Variants in MAGI2 observed in about 807,000 individuals in gnomAD.
MAGI2 encodes membrane associated guanylate kinase, WW and PDZ domain containing 2.
A neutral mutation model predicts 133.3 loss-of-function variants in MAGI2; 35 were observed. The observed-to-expected ratio is 0.26, with a 90% CI of 0.20 to 0.35. The LOEUF (loss-of-function observed/expected upper bound fraction) is 0.35. Ranked by LOEUF, MAGI2 falls within the 10% of genes least tolerant of loss-of-function variation. The pLI, the probability that MAGI2 is intolerant of heterozygous loss-of-function variation, is 1.00. For missense variants in MAGI2, 1,636 were observed against 1,863.4 expected (o/e 0.88, Z 2.25); for synonymous variants, 729 against 710.6 (o/e 1.03, Z -0.41).
chr7:79,096,252 T>C (rs1311912413), intron 1 of MAGI2, among the ~76,000 whole-genome samples: 1 of 152,150 alleles, frequency 6.6e-6, no homozygotes, highest in Non-Finnish European at 1.5e-5. Context: ...GTCAGGGTAG[T>C]TATTCCCCAG....
chr7:79,047,406 T>C (rs992096757), intron 1 of MAGI2, among the ~76,000 whole-genome samples: 7 of 152,114 alleles, frequency 4.6e-5, no homozygotes, highest in African/African-American at 1.7e-4. Flanking sequence ...TTTGTAACAG[T>C]ATGGACAAGT....
At chr7:78,608,412 G>C (rs1272921074) in intron 3 of MAGI2, among the ~76,000 whole-genome samples, 1 of 151,220 alleles carries the variant, frequency 6.6e-6, no homozygotes, top group African/African-American at 2.4e-5. Context: ...ACTTTGCAAG[G>C]TTTTTGTGGC....
intron 21 of MAGI2, among the ~76,000 whole-genome samples, chr7:78,063,311 C>T (rs573282534): frequency 5.9e-5 from 9 of 152,234 alleles, no homozygotes; most frequent in East Asian, 3.9e-4. Context: ...GTGCAATCAT[C>T]GCTCGTTGCA....
At chr7:78,954,570 G>A (rs72612606) in intron 2 of MAGI2, among the ~76,000 whole-genome samples, 4,186 of 149,032 alleles carry the variant, frequency 0.028, 262 homozygotes, top group East Asian at 0.17. Context: ...AGTGTGGATC[G>A]ACAATATGCC....
intron 12 of MAGI2, among the ~76,000 whole-genome samples, chr7:78,188,045 T>C (rs1437946056): frequency 6.6e-6 from 1 of 152,192 alleles, no homozygotes; most frequent in African/African-American, 2.4e-5. Flanking sequence ...AATTACTAAA[T>C]GAAATAAATT....
intron 16 of MAGI2, among the ~76,000 whole-genome samples, chr7:78,143,924 GTTT>G (rs374859888): frequency 7.3e-6 from 1 of 137,746 alleles, no homozygotes. Flanking sequence ...AGTCCTATAA[GTTT>G]TTTTTTTTTT....
chr7:78,591,880 CA>C (rs1804039444), intron 3 of MAGI2, among the ~76,000 whole-genome samples: 1 of 152,048 alleles, frequency 6.6e-6, no homozygotes, highest in Admixed American at 6.5e-5. Flanking sequence ...ATAAGAAGAG[CA>C]AGATGTTACA....
rs1403472323 is a variant in MAGI2, at chr7:78,160,034, A to G, written c.2836T>C (p.Ser946Pro). ...ISSLNRPESG[S>P]TITVPHKIGR... ...AAATTTCAGCACTTACTTATAGTGG[A>G]TCCAGACTCAGGCCTGTTCAGGGAG... Residue 946 changes from serine (S) to proline (P), a missense_variant, in exon 16 of 22, where the codon TCC becomes CCC. Physicochemically the swap from Ser to Pro is moderately conservative, Grantham distance 74. This residue lies in a region of MAGI2 where 920 missense variants were observed against 1,093.5 expected (regional missense o/e 0.84). Transcript: ENST00000354212. The G allele has an allele frequency of 1.3e-6, 2 of 1,570,150 alleles. No individual in the cohort carries two copies. Among genetic ancestry groups the G allele is most frequent in the Non-Finnish European group, 1.7e-6 (2 of 1,155,298 alleles).
chr7:78,719,397 C>T (rs1032601937), intron 2 of MAGI2, among the ~76,000 whole-genome samples: 20 of 152,234 alleles, frequency 1.3e-4, no homozygotes, highest in African/African-American at 4.3e-4. Flanking sequence ...CTGTAAGTGA[C>T]CTTCAAATAA....
At chr7:78,884,291 G>A (rs1194000619) in intron 2 of MAGI2, among the ~76,000 whole-genome samples, 2 of 152,050 alleles carry the variant, frequency 1.3e-5, no homozygotes, top group Non-Finnish European at 2.9e-5. Context: ...CAGCTTGAGT[G>A]ACTTAAGCAG....
intron 1 of MAGI2, among the ~76,000 whole-genome samples, chr7:79,425,822 C>A (rs1348791290): frequency 6.6e-6 from 1 of 151,706 alleles, no homozygotes; most frequent in Non-Finnish European, 1.5e-5. Context: ...GACAAAGAAG[C>A]CCTTGGATAA....
Position 78,929,940 on chromosome 7 carries a change from T to C in MAGI2, c.418+77150A>G, listed in dbSNP as rs556154365. Among the ~76,000 whole-genome samples the C allele has an allele frequency of 5.3e-5, 8 of 152,224 alleles. No homozygotes were observed. The East Asian group carries it at 1.5e-3, about 29-fold the overall frequency. On this transcript the variant is annotated intron_variant, in intron 2 of 21. Coordinates refer to ENST00000354212, the MANE Select transcript of MAGI2 (RefSeq NM_012301.4). ...GCTTCATGTATTAAGTGAATGTGTT[T>C]ATCCATTTCTTAGGGCTTGCTTCTC...
rs112600382 is a variant in MAGI2 at position 78,451,648 on chromosome 7, T to C, written c.1045+38113A>G. Among the ~76,000 whole-genome samples the C allele has an allele frequency of 9.7e-3, 1,470 of 152,228 alleles. 10 individuals are homozygous for C. The highest frequency in any genetic ancestry group is 0.015 in the Non-Finnish European group (1,032 of 67,998). Reference sequence around the variant, plus strand: ...CCAATCTGTAAAATGGGGATAATCATGGTACCAGCCTCACAGAGATTTGTT... The same window carrying C: ...CCAATCTGTAAAATGGGGATAATCACGGTACCAGCCTCACAGAGATTTGTT... On this transcript the variant is annotated intron_variant, in intron 6 of 21. Coordinates refer to ENST00000354212, the MANE Select transcript of MAGI2 (RefSeq NM_012301.4).
chr7:78,913,621 T>C (rs574744012), intron 2 of MAGI2, among the ~76,000 whole-genome samples: 3 of 152,294 alleles, frequency 2.0e-5, no homozygotes, highest in African/African-American at 2.4e-5. Flanking sequence ...TATCATTCTG[T>C]TTTGTCTGTC....
At chr7:78,358,634 C>A in intron 7 of MAGI2, 1 of 188,810 alleles carries the variant, frequency 5.3e-6, no homozygotes, top group Non-Finnish European at 1.1e-5. Flanking sequence ...TCCTGCTGCC[C>A]TTTAGGTTGT....
intron 2 of MAGI2, among the ~76,000 whole-genome samples, chr7:78,926,576 C>T (rs1799709411): frequency 6.6e-6 from 1 of 151,966 alleles, no homozygotes; most frequent in African/African-American, 2.4e-5. Flanking sequence ...CCCAAGATTC[C>T]TCCTGCCCAA....
chr7:79,375,567 A>G (rs1268498250), intron 1 of MAGI2, among the ~76,000 whole-genome samples: 2 of 145,996 alleles, frequency 1.4e-5, no homozygotes, highest in African/African-American at 2.6e-5. Flanking sequence ...TAGCTGTAAC[A>G]GTATAAGTTT....
At chr7:78,588,189 G>A (rs530365811) in intron 3 of MAGI2, among the ~76,000 whole-genome samples, 12 of 152,226 alleles carry the variant, frequency 7.9e-5, no homozygotes, top group Admixed American at 7.2e-4. Context: ...CTCTCCACCC[G>A]ACACTTTATC....
intron 3 of MAGI2, among the ~76,000 whole-genome samples, chr7:78,542,827 G>A (rs1312697559): frequency 6.6e-6 from 1 of 152,156 alleles, no homozygotes; most frequent in East Asian, 1.9e-4. Flanking sequence ...GGGCTAACTG[G>A]ATTTTATTTA....
Sources: gnomAD v4.1 joint callset for allele counts (sites outside exome capture counted in the v4.1 genomes callset) on GRCh38, gnomAD v4.1.1 for gene constraint, gnomAD v4.1.1 regional missense constraint, MANE v1.5 for transcripts, NCBI Gene and HGNC (gene_info 2026-07-23, HGNC 2026-07-21) for gene names.